Variants in VCF1 observed in about 807,000 individuals in gnomAD.
VCF1 encodes the protein VCP nuclear cofactor family member 1, also known as protein VCF1.
At chr17:73,227,684 C>T in the VCF1 span, 1 of 985,888 alleles carries the variant, frequency 1.0e-6, no homozygotes, top group South Asian at 4.7e-5. Flanking sequence ...AGAGTGGCTG[C>T]CTTTGCCTAT....
At chr17:73,229,866 T>C in the VCF1 span, among the ~76,000 whole-genome samples, 1 of 13,618 alleles carries the variant, frequency 7.3e-5, no homozygotes, top group Non-Finnish European at 1.1e-4. Flanking sequence ...AGACTCCATC[T>C]CAAAAAAAAA....
At chr17:73,222,797 A>G in the VCF1 span, among the ~76,000 whole-genome samples, 4 of 151,842 alleles carry the variant, frequency 2.6e-5, no homozygotes, top group African/African-American at 7.3e-5. Flanking sequence ...AAAAAGAAAA[A>G]AAAAGAGAAG....
chr17:73,210,835 A>C, the VCF1 span, among the ~76,000 whole-genome samples: 1 of 149,438 alleles, frequency 6.7e-6, no homozygotes, highest in African/African-American at 2.4e-5. Context: ...CCTGAGCTCA[A>C]GCAATCCTCC....
the VCF1 span, among the ~76,000 whole-genome samples, chr17:73,219,105 C>T: frequency 6.9e-5 from 10 of 145,092 alleles, no homozygotes; most frequent in Middle Eastern, 3.6e-3. Flanking sequence ...GCAGGCGAAT[C>T]GCTTGAACCC....
At chr17:73,227,398 A>G in the VCF1 span, 1 of 719,274 alleles carries the variant, frequency 1.4e-6, no homozygotes, top group Non-Finnish European at 2.1e-6. Flanking sequence ...ATGATATCCC[A>G]ATAGGTTATC....
At chr17:73,229,220 T>C in the VCF1 span, 1 of 985,452 alleles carries the variant, frequency 1.0e-6, no homozygotes, top group Non-Finnish European at 1.2e-6. Context: ...TGGTACCAGA[T>C]TAAGAAAGAG....
At chr17:73,224,885 C>CACAGGACAGGACAGG in the VCF1 span, among the ~76,000 whole-genome samples, 2 of 125,250 alleles carry the variant, frequency 1.6e-5, no homozygotes, top group Non-Finnish European at 1.6e-5. Flanking sequence ...GACAGCACAG[C>CACAGGACAGGACAGG]ACAGGACAGG....
At chr17:73,217,379 G>A in the VCF1 span, among the ~76,000 whole-genome samples, 3 of 150,040 alleles carry the variant, frequency 2.0e-5, no homozygotes, top group African/African-American at 7.4e-5. Flanking sequence ...AAGGCCAGGT[G>A]TGGTGGTTCA....
At chr17:73,223,510 T>C in the VCF1 span, among the ~76,000 whole-genome samples, 2 of 152,198 alleles carry the variant, frequency 1.3e-5, no homozygotes, top group Non-Finnish European at 2.9e-5. Context: ...GTGATTTACT[T>C]GTGGCACAAT....
the VCF1 span, among the ~76,000 whole-genome samples, chr17:73,219,206 A>AC: frequency 2.0e-5 from 3 of 151,588 alleles, no homozygotes. Context: ...AAAAAAAAAA[A>AC]AAAAAAACGA....
chr17:73,209,279 C>T, the VCF1 span: 2 of 571,468 alleles, frequency 3.5e-6, no homozygotes, highest in South Asian at 2.1e-5. Flanking sequence ...CAAACCACTA[C>T]CTTGACATAG....
the VCF1 span, chr17:73,207,633 T>A: frequency 8.6e-7 from 1 of 1,166,712 alleles, no homozygotes; most frequent in Non-Finnish European, 1.1e-6. Context: ...TTTAGTTGGG[T>A]GGGAAGTAAC....
At chr17:73,214,467 G>A in the VCF1 span, among the ~76,000 whole-genome samples, 2 of 152,194 alleles carry the variant, frequency 1.3e-5, no homozygotes, top group African/African-American at 4.8e-5. Context: ...TGAAGTTACT[G>A]TAGTTGATCT....
At chr17:73,212,681 G>A in the VCF1 span, 19 of 1,595,152 alleles carry the variant, frequency 1.2e-5, no homozygotes, top group East Asian at 4.5e-5. Flanking sequence ...AACCCACCGC[G>A]CAGAACGCTT....
At chr17:73,222,051 A>AC in the VCF1 span, among the ~76,000 whole-genome samples, 10 of 150,458 alleles carry the variant, frequency 6.6e-5, no homozygotes, top group Non-Finnish European at 1.3e-4. Context: ...AAAAAAAAAA[A>AC]AAAAAACTAG....
chr17:73,228,252 C>G, the VCF1 span, among the ~76,000 whole-genome samples: 2 of 152,286 alleles, frequency 1.3e-5, no homozygotes, highest in East Asian at 3.9e-4. Context: ...ATTACAAAAC[C>G]CTTGAAGTTT....
At chr17:73,214,242 C>T in the VCF1 span, among the ~76,000 whole-genome samples, 1 of 150,206 alleles carries the variant, frequency 6.7e-6, no homozygotes. Context: ...GAGTGTCACA[C>T]AATCTATAGA....
the VCF1 span, chr17:73,227,018 C>A: frequency 1.8e-6 from 1 of 553,304 alleles, no homozygotes. Context: ...CTCAAAGGGA[C>A]CCTGATTTGG....
chr17:73,224,850 G>GACAGGACAGC, the VCF1 span, among the ~76,000 whole-genome samples: 51,794 of 136,370 alleles, frequency 0.38, 12,068 homozygotes, highest in East Asian at 0.48. Context: ...CACAGGACAG[G>GACAGGACAGC]ACAGGACAGG....
Sources: allele counts gnomAD v4.1 joint callset (sites outside exome capture counted in the v4.1 genomes callset), GRCh38; gene constraint gnomAD v4.1.1; transcripts MANE v1.5; gene names NCBI Gene and HGNC (gene_info 2026-07-23, HGNC 2026-07-21).